SMARCA2: variants seen among roughly 807,000 people sequenced by gnomAD.
SMARCA2 encodes SWI/SNF related BAF chromatin remodeling complex subunit ATPase 2.
SMARCA2 carries 61 observed loss-of-function variants against 199.8 expected under a neutral mutation model. The observed-to-expected ratio is 0.31, with a 90% confidence interval of 0.25 to 0.38. The LOEUF (loss-of-function observed/expected upper bound fraction) is 0.38. Ranked by LOEUF, SMARCA2 falls within the 10% of genes least tolerant of loss-of-function variation. SMARCA2 has a pLI of 1.00. For missense variants in SMARCA2, 1,344 were observed against 2,012.2 expected, an observed-to-expected ratio of 0.67 and a Z score of 6.35; for synonymous variants, 935 against 732.0, an observed-to-expected ratio of 1.28 and a Z score of -4.48.
At chr9:2,190,586 A>G (rs1827805871) in intron 32 of SMARCA2, among the ~76,000 whole-genome samples, 1 of 152,094 alleles carries the variant, frequency 6.6e-6, no homozygotes, top group Admixed American at 6.5e-5. Context: ...ACTTACTTGA[A>G]TTCTTTATAT....
intron 25 of SMARCA2, among the ~76,000 whole-genome samples, chr9:2,116,276 C>G (rs771962338): frequency 6.6e-6 from 1 of 152,168 alleles, no homozygotes; most frequent in Admixed American, 6.5e-5. Flanking sequence ...TGTGGGTGCT[C>G]CCTCCTTTTT....
At chr9:2,160,636 T>G (rs1239193262) in intron 27 of SMARCA2, 5 of 701,576 alleles carry the variant, frequency 7.1e-6, no homozygotes, top group East Asian at 5.4e-5. Flanking sequence ...GCCTTATGAT[T>G]AGAGCTCTTT....
intron 28 of SMARCA2, among the ~76,000 whole-genome samples, chr9:2,162,524 A>T (rs1290941867): frequency 6.6e-6 from 1 of 152,228 alleles, no homozygotes; most frequent in Non-Finnish European, 1.5e-5. Context: ...GTGAATAATT[A>T]TTTGAAAACC....
intron 14 of SMARCA2, among the ~76,000 whole-genome samples, chr9:2,079,193 C>T (rs1048751040): frequency 1.1e-4 from 17 of 152,266 alleles, no homozygotes; most frequent in African/African-American, 3.6e-4. Flanking sequence ...TGGGACTCTG[C>T]GGAAATCAAC....
chr9:2,052,897 A>G (rs190288120), intron 5 of SMARCA2, among the ~76,000 whole-genome samples: 1 of 152,316 alleles, frequency 6.6e-6, no homozygotes, highest in East Asian at 1.9e-4. Flanking sequence ...TAGAAAGAAA[A>G]AAGTCTGTCC....
intron 2 of SMARCA2, 56 bp from the exon 3 acceptor site, chr9:2,032,896 A>C: frequency 6.5e-7 from 1 of 1,542,320 alleles, no homozygotes; most frequent in Non-Finnish European, 8.8e-7. Flanking sequence ...GAAAACTCCA[A>C]ATAGAAATAT....
intron 27 of SMARCA2, among the ~76,000 whole-genome samples, chr9:2,150,862 G>A (rs3904979): frequency 0.74 from 111,503 of 151,010 alleles, 42,484 homozygotes; most frequent in Middle Eastern, 0.83. Context: ...GTGTATGTAT[G>A]CGGGGTTGTT....
chr9:2,127,988 A>G (rs982429984), intron 27 of SMARCA2, among the ~76,000 whole-genome samples: 3 of 152,018 alleles, frequency 2.0e-5, no homozygotes, highest in Non-Finnish European at 2.9e-5. Flanking sequence ...GGTATTTTAC[A>G]TTGTTTTGAA....
At chr9:2,042,040 G>A (rs1819628573) in intron 4 of SMARCA2, 2 of 152,116 alleles carry the variant, frequency 1.3e-5, no homozygotes. Context: ...TGGCAAAAAG[G>A]CTCATGACAA....
intron 4 of SMARCA2, chr9:2,044,235 G>A (rs920203205): frequency 6.6e-6 from 1 of 152,206 alleles, no homozygotes; most frequent in Non-Finnish European, 1.5e-5. Flanking sequence ...TCTGTCGGAG[G>A]GAAGAGGAAA....
chr9:2,183,620 T>C (rs907830185), intron 31 of SMARCA2, among the ~76,000 whole-genome samples: 3 of 152,200 alleles, frequency 2.0e-5, no homozygotes, highest in Non-Finnish European at 4.4e-5. Context: ...TGCACATCAA[T>C]TTCAGTCATC....
At chr9:2,075,872 C>G (rs1372033746) in intron 12 of SMARCA2, among the ~76,000 whole-genome samples, 6 of 152,206 alleles carry the variant, frequency 3.9e-5, no homozygotes, top group South Asian at 2.1e-4. Flanking sequence ...GCTCTACAAT[C>G]TGGCTTTGGA....
rs1826112337 is a variant in SMARCA2 at position 2,169,325 on chromosome 9, C to T, written c.4200-1094C>T. On this transcript the variant is annotated intron_variant, in intron 28 of 33. Coordinates refer to ENST00000349721, the MANE Select transcript of SMARCA2 (RefSeq NM_003070.5). This position sits in a 1 kb window ranked among gnomAD's most constrained non-coding sequence, Gnocchi z 6.5. ...TTCATATTGTAACTTTAGAACTCTT[C>T]ACAGCGGCCCCGTTGCCTACCCGAT... Among the ~76,000 whole-genome samples, 1 of 152,178 alleles carries T rather than the reference C, an allele frequency of 6.6e-6. No homozygotes were observed.
intron 21 of SMARCA2, among the ~76,000 whole-genome samples, chr9:2,101,023 A>G (rs1822489453): frequency 6.6e-6 from 1 of 152,116 alleles, no homozygotes. Context: ...AGACTTATTC[A>G]CAACCATGAG....
chr9:2,169,194 G>A lies in SMARCA2; in HGVS notation c.4200-1225G>A, dbSNP rs1826103823. Among the ~76,000 whole-genome samples the A allele has an allele frequency of 6.6e-6, 1 of 152,162 alleles. No individual in the cohort carries two copies. Among genetic ancestry groups the A allele is most frequent in the Admixed American group, 6.5e-5 (1 of 15,274 alleles). On this transcript the variant is annotated intron_variant, in intron 28 of 33. Coordinates refer to ENST00000349721, the MANE Select transcript of SMARCA2 (RefSeq NM_003070.5). This position sits in a 1 kb window ranked among gnomAD's most constrained non-coding sequence, Gnocchi z 6.5. ...GCCTCCTCACCCCCTGTCTTCCTGA[G>A]GCCCTTGCACTGCTGGCCTGGCCTG...
In SMARCA2 at chr9:2,081,598, C is replaced by G. The variant is rs140544804; in HGVS notation, c.2185-234C>G. On this transcript the variant is annotated intron_variant, in intron 14 of 33. Coordinates refer to ENST00000349721, the MANE Select transcript of SMARCA2 (RefSeq NM_003070.5). ...TACTAAGTGTGGATGAGCGGCAAAG[C>G]TGCTTTAAAACTCACCTGTCAAGAA... Among the ~76,000 whole-genome samples, 634 of 152,310 alleles carry G rather than the reference C, an allele frequency of 4.2e-3. 3 individuals are homozygous for G. The highest frequency in any genetic ancestry group is 5.9e-3 in the Non-Finnish European group (402 of 68,028).
chr9:2,164,229 T>C (rs1165267077), intron 28 of SMARCA2, among the ~76,000 whole-genome samples: 6 of 152,214 alleles, frequency 3.9e-5, no homozygotes, highest in African/African-American at 1.4e-4. Context: ...CTGGTATACA[T>C]GGCTGTGGGC....
chr9:2,052,677 A>G (rs765160432), intron 5 of SMARCA2, among the ~76,000 whole-genome samples: 145 of 152,334 alleles, frequency 9.5e-4, no homozygotes, highest in Non-Finnish European at 1.6e-3. Context: ...AAAAATGATG[A>G]CATTTTATTT....
intron 4 of SMARCA2, chr9:2,041,103 A>G (rs184387341): frequency 2.9e-6 from 1 of 346,328 alleles, no homozygotes; most frequent in African/African-American, 2.1e-5. Flanking sequence ...TGGGCCTTAT[A>G]CCATGGGAGA....
Sources: gnomAD v4.1 joint callset for allele counts (sites outside exome capture counted in the v4.1 genomes callset) on GRCh38, gnomAD v4.1.1 for gene constraint, Gnocchi (gnomAD v3.1) non-coding constraint, MANE v1.5 for transcripts, NCBI Gene and HGNC (gene_info 2026-07-23, HGNC 2026-07-21) for gene names.